Variants in ZNF385D observed in about 807,000 individuals in gnomAD.
ZNF385D encodes zinc finger protein 385D.
Under a neutral mutation model 35.8 loss-of-function variants are expected in ZNF385D, and 15 were observed. That is an observed-to-expected ratio of 0.42 (90% CI 0.28 to 0.64). The LOEUF (loss-of-function observed/expected upper bound fraction) is 0.64, where lower values mean the gene tolerates loss of function less well. ZNF385D is among the 30% of genes least tolerant of loss of function. The probability of loss-of-function intolerance (pLI) is 0.23; values close to 1 mark genes in which losing one functional copy is unlikely to be tolerated. For missense variants in ZNF385D, 474 were observed against 494.6 expected (o/e 0.96, Z 0.39); for synonymous variants, 212 against 186.8 (o/e 1.13, Z -1.10).
chr3:22,343,989 AC>A lies in ZNF385D; in HGVS notation c.106+28460del, dbSNP rs555632952. Among the ~76,000 whole-genome samples, 17 of 152,192 alleles carry A rather than the reference AC, an allele frequency of 1.1e-4. No individual in the cohort carries two copies. In the East Asian group the frequency reaches 3.3e-3, roughly 29 times the overall value. ...ACTTCTCTCTTATTGTCTACTTTCCACCCATTATTTAAGATCCAACTCAACT... is the reference window on the plus strand; with the variant it reads ...ACTTCTCTCTTATTGTCTACTTTCCACCATTATTTAAGATCCAACTCAACT... On this transcript the variant is annotated intron_variant, in intron 2 of 5. Coordinates refer to the ZNF385D transcript ENST00000494108.
intron 4 of ZNF385D, among the ~76,000 whole-genome samples, chr3:21,488,775 AT>A (rs1052217352): frequency 1.4e-4 from 21 of 152,108 alleles, no homozygotes; most frequent in African/African-American, 5.1e-4. Flanking sequence ...AGTCTTGGCT[AT>A]TTTTTTCTTA....
intron 4 of ZNF385D, among the ~76,000 whole-genome samples, chr3:21,450,524 A>C (rs752454326): frequency 6.6e-6 from 1 of 152,142 alleles, no homozygotes; most frequent in Admixed American, 6.6e-5. Context: ...AAAAGTGATG[A>C]AGGATTGGGC....
chr3:21,426,957 ATT>A (rs1427257353), intron 5 of ZNF385D, among the ~76,000 whole-genome samples: 1 of 152,172 alleles, frequency 6.6e-6, no homozygotes, highest in East Asian at 1.9e-4. Context: ...ATTCTTTTCC[ATT>A]CTTATTAAAA....
intron 3 of ZNF385D, among the ~76,000 whole-genome samples, chr3:21,905,832 C>A (rs1204960604): frequency 3.3e-5 from 5 of 151,908 alleles, no homozygotes. Context: ...TTTATATGTA[C>A]CTGACAATTA....
intron 3 of ZNF385D, among the ~76,000 whole-genome samples, chr3:22,090,742 T>G (rs544431389): frequency 2.0e-4 from 31 of 152,258 alleles, no homozygotes; most frequent in Middle Eastern, 3.4e-3. Flanking sequence ...GACATACGTT[T>G]GAACCAAATG....
chr3:22,332,889 T>G (rs909890792), intron 2 of ZNF385D, among the ~76,000 whole-genome samples: 1 of 151,838 alleles, frequency 6.6e-6, no homozygotes, highest in Non-Finnish European at 1.5e-5. Context: ...ATGTATAGCA[T>G]TTATATTACT....
chr3:22,102,907 A>C (rs1306476615), intron 3 of ZNF385D, among the ~76,000 whole-genome samples: 1 of 147,072 alleles, frequency 6.8e-6, no homozygotes, highest in Non-Finnish European at 1.5e-5. Flanking sequence ...AAAAAAAAAA[A>C]CCAACAAGTT....
intron 3 of ZNF385D, among the ~76,000 whole-genome samples, chr3:21,768,788 G>A (rs2070946657): frequency 6.6e-6 from 1 of 151,910 alleles, no homozygotes; most frequent in Non-Finnish European, 1.5e-5. Flanking sequence ...ATTGAAATGA[G>A]TTTCAGCTGG....
At chr3:21,836,926 C>T (rs1695364155) in intron 3 of ZNF385D, among the ~76,000 whole-genome samples, 1 of 151,996 alleles carries the variant, frequency 6.6e-6, no homozygotes, top group Non-Finnish European at 1.5e-5. Context: ...CTTCTCTTCC[C>T]TCCTTGAGCT....
chr3:22,121,770 G>A (rs1303957556), intron 3 of ZNF385D, among the ~76,000 whole-genome samples: 1 of 151,106 alleles, frequency 6.6e-6, no homozygotes, highest in Non-Finnish European at 1.5e-5. Flanking sequence ...CCTTTCTCTT[G>A]GGTTTCATTA....
At chr3:21,570,566 T>G (rs2125673657) in intron 2 of ZNF385D, among the ~76,000 whole-genome samples, 1 of 152,336 alleles carries the variant, frequency 6.6e-6, no homozygotes, top group East Asian at 1.9e-4. Flanking sequence ...ATAAAAAGGT[T>G]GTCTTTTTCA....
At chr3:21,710,110 T>C (rs758768702) in intron 1 of ZNF385D, among the ~76,000 whole-genome samples, 2 of 152,004 alleles carry the variant, frequency 1.3e-5, no homozygotes, top group African/African-American at 4.8e-5. Context: ...GAAACAGATA[T>C]CAGACAAGCG....
At chr3:22,341,413 T>C (rs527788084) in intron 2 of ZNF385D, among the ~76,000 whole-genome samples, 2 of 152,226 alleles carry the variant, frequency 1.3e-5, no homozygotes, top group South Asian at 4.1e-4. Flanking sequence ...GGGCCCAGAA[T>C]GCCTAAAATA....
rs546652667 is a variant in ZNF385D, at chr3:21,683,150, G to T, written c.23-18122C>A. ...TGATCCACAAATTGAAAACACTGAG[G>T]CCAGAGAACACAAATGATAAACCTA... is the stretch of plus-strand genomic sequence containing the variant. On this transcript the variant is annotated intron_variant, in intron 1 of 7. Coordinates refer to ENST00000281523, the MANE Select transcript of ZNF385D (RefSeq NM_024697.3). 3.3e-5 allele frequency among the ~76,000 whole-genome samples: 5 copies of T among 149,700 alleles called. No individual in the cohort carries two copies. In the East Asian group the frequency reaches 1.0e-3, roughly 30 times the overall value.
At chr3:21,663,417 A>G (rs2066296692) in intron 2 of ZNF385D, among the ~76,000 whole-genome samples, 1 of 152,098 alleles carries the variant, frequency 6.6e-6, no homozygotes, top group South Asian at 2.1e-4. Flanking sequence ...GACCGCAGTG[A>G]TGGGATGCCA....
At chr3:21,948,562 G>A (rs1701906546) in intron 3 of ZNF385D, among the ~76,000 whole-genome samples, 1 of 151,946 alleles carries the variant, frequency 6.6e-6, no homozygotes, top group Non-Finnish European at 1.5e-5. Flanking sequence ...ATTTGTATAT[G>A]CCATTTTCGT....
chr3:21,638,659 G>A (rs2065516667), intron 2 of ZNF385D, among the ~76,000 whole-genome samples: 1 of 152,060 alleles, frequency 6.6e-6, no homozygotes, highest in Non-Finnish European at 1.5e-5. Flanking sequence ...TCATTAGCTT[G>A]CCATTACTGT....
Position 22,000,027 on chromosome 3 carries a change from C to G in ZNF385D, c.325+168790G>C, listed in dbSNP as rs145987672. ...CAATCCAAAAAGGTTTTATCTAGGC[C>G]GGGCATGGTGGCTCACGCCTGTAAT... On this transcript the variant is annotated intron_variant, in intron 3 of 5. Coordinates refer to the ZNF385D transcript ENST00000494108. 6.1e-3 allele frequency among the ~76,000 whole-genome samples: 922 copies of G among 152,168 alleles called. 8 individuals are homozygous for G. The highest frequency in any genetic ancestry group is 0.021 in the African/African-American group (867 of 41,498).
intron 7 of ZNF385D, among the ~76,000 whole-genome samples, chr3:21,422,433 G>T (rs911271201): frequency 6.6e-6 from 1 of 152,124 alleles, no homozygotes; most frequent in Non-Finnish European, 1.5e-5. Context: ...GTCATGCCTT[G>T]CTGTACAGAT....
Sources: allele counts gnomAD v4.1 joint callset (sites outside exome capture counted in the v4.1 genomes callset), GRCh38; gene constraint gnomAD v4.1.1; transcripts MANE v1.5; gene names NCBI Gene and HGNC (gene_info 2026-07-23, HGNC 2026-07-21).